Variants in POLA1 observed in about 807,000 individuals in gnomAD.
The protein encoded by POLA1 is DNA polymerase alpha 1, catalytic subunit, also known as DNA polymerase alpha catalytic subunit.
In POLA1, 15 loss-of-function variants were observed where a neutral mutation model predicts 124.0. That is an observed-to-expected ratio of 0.12 (90% CI 0.08 to 0.19). The LOEUF (loss-of-function observed/expected upper bound fraction) is 0.19, where lower values mean the gene tolerates loss of function less well. Among genes scored for constraint, POLA1 ranks in the 10% least tolerant of loss-of-function variants. The pLI, the probability that POLA1 is intolerant of heterozygous loss-of-function variation, is 1.00. For synonymous variants in POLA1, 408 were observed against 389.4 expected (o/e 1.05, Z -0.56); for missense variants, 886 against 1,103.4 (o/e 0.80, Z 2.79).
At chrX:24,910,235 CT>C (rs2047428983) in intron 35 of POLA1, among the ~76,000 whole-genome samples, 4 of 87,315 alleles carry the variant, frequency 4.6e-5, no homozygotes, top group Admixed American at 3.9e-4. Context: ...TATTTATTTC[CT>C]TCTCCTGTCT....
At chrX:24,712,779 T>C (rs767519268) in intron 4 of POLA1, among the ~76,000 whole-genome samples, 1 of 112,032 alleles carries the variant, frequency 8.9e-6, no homozygotes, top group African/African-American at 3.2e-5. Flanking sequence ...GTGTTTATAC[T>C]GGTTTACTTC....
chrX:24,772,587 G>T (rs368204717), intron 26 of POLA1, among the ~76,000 whole-genome samples: 1 of 109,379 alleles, frequency 9.1e-6, no homozygotes, highest in African/African-American at 3.3e-5. Context: ...GTTCCCCTCC[G>T]TCTGTTCATG....
chrX:24,951,349 C>A (rs967517226), intron 36 of POLA1, among the ~76,000 whole-genome samples: 3 of 59,872 alleles, frequency 5.0e-5, no homozygotes, highest in Admixed American at 1.6e-4. Context: ...CCCTACCCCC[C>A]CCCCCCCCCA....
intron 35 of POLA1, among the ~76,000 whole-genome samples, chrX:24,923,799 AT>A (rs201113077): frequency 9.9e-5 from 11 of 110,822 alleles, no homozygotes; most frequent in Non-Finnish European, 1.9e-4. Flanking sequence ...GCAAACCAGT[AT>A]TTTTTTTTCA....
chrX:24,859,027 AG>A (rs2046683305), intron 34 of POLA1, among the ~76,000 whole-genome samples: 1 of 111,422 alleles, frequency 9.0e-6, no homozygotes, highest in African/African-American at 3.3e-5. Flanking sequence ...GGATGACCAA[AG>A]CCCACAAGTT....
chrX:24,943,887 C>T (rs745748250), intron 36 of POLA1, among the ~76,000 whole-genome samples: 13 of 111,550 alleles, frequency 1.2e-4, no homozygotes, highest in Non-Finnish European at 2.3e-4. Flanking sequence ...ATTAGCTATT[C>T]CAGACATGGA....
At chrX:24,850,155 T>C (rs1462499017) in intron 34 of POLA1, among the ~76,000 whole-genome samples, 2 of 112,248 alleles carry the variant, frequency 1.8e-5, no homozygotes, top group Non-Finnish European at 3.8e-5. Flanking sequence ...TTTGTTGTTA[T>C]TGTCGTTGTT....
At chrX:24,811,191 C>T (rs764960840) in intron 28 of POLA1, among the ~76,000 whole-genome samples, 26 of 111,171 alleles carry the variant, frequency 2.3e-4, no homozygotes, top group Non-Finnish European at 4.7e-4. Flanking sequence ...AGCGATCCTC[C>T]CACCTTAGCC....
At chrX:24,900,041 C>T (rs936982367) in intron 35 of POLA1, among the ~76,000 whole-genome samples, 1 of 111,877 alleles carries the variant, frequency 8.9e-6, no homozygotes, top group African/African-American at 3.2e-5. Context: ...AGAGCTTATG[C>T]AAAGTGTTTA....
At chrX:24,946,670 C>T (rs1282307933) in intron 36 of POLA1, among the ~76,000 whole-genome samples, 1 of 111,678 alleles carries the variant, frequency 9.0e-6, no homozygotes, top group African/African-American at 3.3e-5. Flanking sequence ...TCTCTTTGTC[C>T]TCTAAACTCC....
Position 24,940,511 on chromosome X carries a change from G to T in POLA1, c.4261+9962G>T, listed in dbSNP as rs564635400. ...TAAGTATCATGATGGAATGTACTAT[G>T]AGTTTCAGGAATTAATATTATCAGT... is the stretch of plus-strand genomic sequence containing the variant. On this transcript the variant is annotated intron_variant, in intron 36 of 36. Coordinates refer to ENST00000379068, the MANE Select transcript of POLA1 (RefSeq NM_001330360.2). 4.5e-5 allele frequency among the ~76,000 whole-genome samples: 5 copies of T among 111,460 alleles called. No homozygotes were observed. The East Asian group carries it at 1.4e-3, about 31-fold the overall frequency.
At chrX:24,752,183 C>G (rs1471268477) in intron 26 of POLA1, among the ~76,000 whole-genome samples, 2 of 112,079 alleles carry the variant, frequency 1.8e-5, no homozygotes, top group Non-Finnish European at 3.8e-5. Context: ...ATTATGGCTG[C>G]TAGAATACTC....
chrX:24,927,605 C>A (rs2047714217), intron 35 of POLA1, among the ~76,000 whole-genome samples: 1 of 111,888 alleles, frequency 8.9e-6, no homozygotes, highest in African/African-American at 3.3e-5. Context: ...CACAGTCGGC[C>A]ACTTTGGTAC....
chrX:24,797,402 C>A (rs1231832326), intron 26 of POLA1, among the ~76,000 whole-genome samples: 1 of 111,642 alleles, frequency 9.0e-6, no homozygotes, highest in Non-Finnish European at 1.9e-5. Context: ...TCCTGTTATT[C>A]CCTATACTCA....
chrX:24,728,933 G>A (rs1386154189), intron 15 of POLA1, among the ~76,000 whole-genome samples: 1 of 112,109 alleles, frequency 8.9e-6, no homozygotes, highest in Non-Finnish European at 1.9e-5. Flanking sequence ...CTATAAGTGA[G>A]CTCTAAAGGA....
intron 36 of POLA1, among the ~76,000 whole-genome samples, chrX:24,951,353 C>G (rs1454773082): frequency 2.4e-5 from 2 of 82,487 alleles, no homozygotes; most frequent in Non-Finnish European, 4.9e-5. Context: ...ACCCCCCCCC[C>G]CCCCCACCAA....
At chrX:24,812,373 A>G (rs1483242325) in intron 28 of POLA1, among the ~76,000 whole-genome samples, 1 of 111,905 alleles carries the variant, frequency 8.9e-6, no homozygotes, top group African/African-American at 3.3e-5. Flanking sequence ...CATAATTTTC[A>G]TATATTACCT....
chrX:24,895,157 C>G (rs1418066748), intron 35 of POLA1, among the ~76,000 whole-genome samples: 1 of 111,942 alleles, frequency 8.9e-6, no homozygotes, highest in Non-Finnish European at 1.9e-5. Context: ...ACAATTCAAC[C>G]CATTACAGGT....
chrX:24,994,050 T>C (rs1206622929), intron 36 of POLA1, among the ~76,000 whole-genome samples: 1 of 112,333 alleles, frequency 8.9e-6, no homozygotes, highest in Non-Finnish European at 1.9e-5. Flanking sequence ...GCTCTTTAAA[T>C]GTGCTCTCCC....
Sources: gnomAD v4.1 joint callset for allele counts (sites outside exome capture counted in the v4.1 genomes callset) on GRCh38, gnomAD v4.1.1 for gene constraint, MANE v1.5 for transcripts, NCBI Gene and HGNC (gene_info 2026-07-23, HGNC 2026-07-21) for gene names.